BCL2: variants seen among roughly 807,000 people sequenced by gnomAD.
The protein encoded by BCL2 is apoptosis regulator Bcl-2.
Under a neutral mutation model 14.2 loss-of-function variants are expected in BCL2, and 1 was observed. The ratio of observed to expected loss-of-function variants is 0.07; its 90% CI spans 0.02 to 0.33. The LOEUF is 0.33. BCL2 is among the 10% of genes least tolerant of loss of function. The pLI is 0.99. For missense variants in BCL2, 247 were observed against 305.9 expected, an observed-to-expected ratio of 0.81 and a Z score of 1.44; for synonymous variants, 151 against 137.2, an observed-to-expected ratio of 1.10 and a Z score of -0.70.
At chr18:63,204,068 G>C (rs1482025493) in intron 2 of BCL2, among the ~76,000 whole-genome samples, 2 of 152,194 alleles carry the variant, frequency 1.3e-5, no homozygotes, top group Admixed American at 6.5e-5. Context: ...ATAGATAATT[G>C]AGAAGGCATC....
intron 2 of BCL2, among the ~76,000 whole-genome samples, chr18:63,161,059 C>T (rs566310241): frequency 2.0e-5 from 3 of 152,066 alleles, no homozygotes; most frequent in African/African-American, 4.8e-5. Context: ...ATCACTTTTC[C>T]AAAATGGTAC....
intron 2 of BCL2, among the ~76,000 whole-genome samples, chr18:63,227,663 G>A (rs1910585784): frequency 1.3e-5 from 2 of 152,154 alleles, no homozygotes; most frequent in Non-Finnish European, 2.9e-5. Context: ...GAAGTAGCAT[G>A]GTATATAGAA....
chr18:63,166,661 C>T (rs188638738), intron 2 of BCL2, among the ~76,000 whole-genome samples: 14 of 152,324 alleles, frequency 9.2e-5, no homozygotes, highest in African/African-American at 3.4e-4. Flanking sequence ...CATTAACACA[C>T]CCCTCCAACA....
intron 2 of BCL2, among the ~76,000 whole-genome samples, chr18:63,239,118 C>T (rs1910923007): frequency 6.6e-6 from 1 of 152,222 alleles, no homozygotes; most frequent in South Asian, 2.1e-4. Flanking sequence ...ACCAAACACA[C>T]ATTTTATCCA....
chr18:63,192,667 C>T (rs902075403), intron 2 of BCL2, among the ~76,000 whole-genome samples: 2 of 152,136 alleles, frequency 1.3e-5, no homozygotes, highest in African/African-American at 4.8e-5. Context: ...CCAGGGGATA[C>T]CACGGCCACA....
At position 63,255,860 on chromosome 18, in the gene BCL2, C is replaced by CA. The variant is rs1009944969; in HGVS notation, c.585+62221dup. Among the ~76,000 whole-genome samples, 864 of 137,314 alleles carry CA rather than the reference C, an allele frequency of 6.3e-3. 3 individuals carry two copies. The highest frequency in any genetic ancestry group is 0.017 in the African/African-American group (633 of 37,650). The allele number at this position is 137,314 out of a possible 152,430, so 90.1% of individuals were successfully genotyped here. A position where few individuals can be genotyped will look rare whatever the true frequency, so the allele number is the denominator to read the frequency against. On this transcript the variant is annotated intron_variant, in intron 2 of 2. Transcript: ENST00000333681. ...CGCCACACACACAAACATTTCTTAC[C>CA]AAAAAAAAAAAAGTAAGAAATTAAT...
chr18:63,289,624 T>G, intron 2 of BCL2, among the ~76,000 whole-genome samples: 1 of 151,824 alleles, frequency 6.6e-6, no homozygotes, highest in Non-Finnish European at 1.5e-5. Context: ...AAAAAAAGGG[T>G]GGCTCATGCC....
intron 2 of BCL2, among the ~76,000 whole-genome samples, chr18:63,179,245 A>G (rs1230909228): frequency 6.6e-6 from 1 of 152,192 alleles, no homozygotes; most frequent in Non-Finnish European, 1.5e-5. Context: ...GCGCTCAGTA[A>G]GGCTGCTGGA....
chr18:63,145,943 G>A (rs1261529050), intron 2 of BCL2, among the ~76,000 whole-genome samples: 4 of 152,062 alleles, frequency 2.6e-5, no homozygotes, highest in African/African-American at 9.7e-5. Flanking sequence ...GGCTGGACAC[G>A]GCCCAGGTCC....
intron 2 of BCL2, among the ~76,000 whole-genome samples, chr18:63,214,304 C>G (rs990791217): frequency 1.3e-5 from 2 of 152,198 alleles, no homozygotes; most frequent in African/African-American, 4.8e-5. Flanking sequence ...ACTGTGCCAC[C>G]ATCTCTGTAG....
chr18:63,141,206 C>A (rs375481398), intron 2 of BCL2, among the ~76,000 whole-genome samples: 1 of 152,196 alleles, frequency 6.6e-6, no homozygotes, highest in East Asian at 1.9e-4. Flanking sequence ...TAGTTAGTGA[C>A]CTTATTCTTC....
chr18:63,125,114 G>A lies in BCL2; in HGVS notation c.*3511C>T, dbSNP rs141080340. 2.5e-3 allele frequency: 543 copies of A among 220,720 alleles called. 3 individuals carry two copies. The highest frequency in any genetic ancestry group is 0.011 in the African/African-American group (494 of 44,716). The allele number at this position is 220,720 out of a possible 1,614,324, so 13.7% of individuals were successfully genotyped here. ...AATCTTGATTATTATAACTCCTCTC[G>A]ATTTATAATCACTTCCTAATTTTTC... On this transcript the variant is annotated 3_prime_UTR_variant, in exon 3 of 3. Transcript: ENST00000333681.
At chr18:63,173,196 A>C (rs1915268689) in intron 2 of BCL2, among the ~76,000 whole-genome samples, 1 of 152,258 alleles carries the variant, frequency 6.6e-6, no homozygotes, top group Non-Finnish European at 1.5e-5. Flanking sequence ...ACCTTTCACA[A>C]CCACAAGAAG....
intron 2 of BCL2, among the ~76,000 whole-genome samples, chr18:63,163,591 C>T (rs1228047029): frequency 6.6e-6 from 1 of 152,080 alleles, no homozygotes; most frequent in Non-Finnish European, 1.5e-5. Context: ...GAAAGAGAAA[C>T]TTTACTTTTT....
rs559316816 is a variant in BCL2 at position 63,288,477 on chromosome 18, C to T, written c.585+29605G>A. The stretch of plus-strand genomic sequence containing the variant: ...CTATAATTCACTGCTGTTTTGTTTT[C>T]GTTTTAGAATATTTAGCAAGCAACC... On this transcript the variant is annotated intron_variant, in intron 2 of 2. Transcript: ENST00000333681. 4.6e-5 allele frequency among the ~76,000 whole-genome samples: 7 copies of T among 152,256 alleles called. No individual in the cohort carries two copies. The South Asian group carries it at 6.2e-4, about 14-fold the overall frequency.
At chr18:63,206,939 G>A (rs540553711) in intron 2 of BCL2, among the ~76,000 whole-genome samples, 2 of 152,156 alleles carry the variant, frequency 1.3e-5, no homozygotes, top group African/African-American at 4.8e-5. Flanking sequence ...ACTTAAAGAC[G>A]GTTTCCAGAT....
chr18:63,235,687 T>A (rs1910808820), intron 2 of BCL2, among the ~76,000 whole-genome samples: 1 of 151,888 alleles, frequency 6.6e-6, no homozygotes, highest in Non-Finnish European at 1.5e-5. Context: ...GGAAAGTCTA[T>A]CTCTTTTTTA....
chr18:63,201,936 C>G (rs930988539), intron 2 of BCL2, among the ~76,000 whole-genome samples: 1 of 151,848 alleles, frequency 6.6e-6, no homozygotes, highest in South Asian at 2.1e-4. Flanking sequence ...ATGTAAGAAG[C>G]CTGCACGTTC....
At chr18:63,145,317 C>T (rs929947758) in intron 2 of BCL2, among the ~76,000 whole-genome samples, 1 of 152,178 alleles carries the variant, frequency 6.6e-6, no homozygotes, top group African/African-American at 2.4e-5. Flanking sequence ...ACGGACAGAG[C>T]ATAAGCCCTC....
Sources: allele counts gnomAD v4.1 joint callset (sites outside exome capture counted in the v4.1 genomes callset), GRCh38; gene constraint gnomAD v4.1.1; transcripts MANE v1.5; gene names NCBI Gene and HGNC (gene_info 2026-07-23, HGNC 2026-07-21).